GCH1: variants seen among roughly 807,000 people sequenced by gnomAD.
GCH1 encodes GTP cyclohydrolase 1.
In GCH1, 5 loss-of-function variants were observed where a neutral mutation model predicts 25.9. The observed-to-expected ratio is 0.19, with a 90% confidence interval of 0.10 to 0.41. The LOEUF is 0.41. GCH1 is among the 10% of genes least tolerant of loss of function. The pLI is 1.00. For missense variants in GCH1, 261 were observed against 336.5 expected (o/e 0.78, Z 1.75); for synonymous variants, 159 against 129.6 (o/e 1.23, Z -1.54).
intron 3 of GCH1, among the ~76,000 whole-genome samples, chr14:54,855,356 A>G (rs2039792618): frequency 6.6e-6 from 1 of 152,062 alleles, no homozygotes; most frequent in African/African-American, 2.4e-5. Flanking sequence ...AAATACAAAA[A>G]TTAGCTATGC....
At position 54,859,672 on chromosome 14, in the gene GCH1, C is replaced by A. The variant is rs763653126; in HGVS notation, c.509+9G>T. 2 of 1,537,720 alleles carry A rather than the reference C, an allele frequency of 1.3e-6. No individual in the cohort carries two copies. Among genetic ancestry groups the A allele is most frequent in the African/African-American group, 1.4e-5 (1 of 73,312 alleles). On this transcript the variant is annotated intron_variant, in intron 3 of 5. Transcript: ENST00000491895. ...CCTGTATTCTTGTTCACTGCACAGT[C>A]ACACTTACCTCGCAAGTTTGCTGAG...
chr14:54,867,978 A>C (rs1421106036), intron 1 of GCH1, among the ~76,000 whole-genome samples: 1 of 152,230 alleles, frequency 6.6e-6, no homozygotes, highest in Admixed American at 6.5e-5. Flanking sequence ...TGCCAGTAAC[A>C]GGACATACTG....
chr14:54,864,348 G>C (rs2039961676), intron 2 of GCH1, among the ~76,000 whole-genome samples: 1 of 152,156 alleles, frequency 6.6e-6, no homozygotes, highest in Non-Finnish European at 1.5e-5. Flanking sequence ...CTTCTTGTAA[G>C]TCTTCTGTTT....
chr14:54,862,503 C>A (rs989878486), intron 2 of GCH1, among the ~76,000 whole-genome samples: 1 of 151,022 alleles, frequency 6.6e-6, no homozygotes, highest in Non-Finnish European at 1.5e-5. Context: ...CAACCTCACC[C>A]TCCCGAGTAG....
intron 5 of GCH1, among the ~76,000 whole-genome samples, chr14:54,845,210 G>A (rs2039622772): frequency 6.6e-6 from 1 of 151,268 alleles, no homozygotes; most frequent in South Asian, 2.1e-4. Context: ...CTGGGCGCAG[G>A]GGCTCACGCC....
intron 1 of GCH1, among the ~76,000 whole-genome samples, chr14:54,868,647 G>T (rs1286189319): frequency 6.6e-6 from 1 of 152,102 alleles, no homozygotes; most frequent in East Asian, 1.9e-4. Flanking sequence ...TGTCGCCCAG[G>T]CTGGAGTGCA....
intron 1 of GCH1, among the ~76,000 whole-genome samples, chr14:54,880,416 A>AAT (rs962085206): frequency 1.7e-5 from 2 of 120,660 alleles, no homozygotes; most frequent in Admixed American, 8.9e-5. Context: ...TAATATATAA[A>AAT]ATATATATAT....
chr14:54,864,264 T>C (rs1244993093), intron 2 of GCH1, among the ~76,000 whole-genome samples: 1 of 152,232 alleles, frequency 6.6e-6, no homozygotes, highest in Non-Finnish European at 1.5e-5. Context: ...TACAATACTT[T>C]AACAAAGACA....
chr14:54,902,642 C>T lies in GCH1; in HGVS notation c.22G>A (p.Ala8Thr), dbSNP rs529381971. The T allele has an allele frequency of 1.5e-5, 22 of 1,483,118 alleles. No homozygotes were observed. The highest frequency in any genetic ancestry group is 1.9e-5 in the Non-Finnish European group (21 of 1,121,742). 91.9% of individuals were successfully genotyped at this position (1,483,118 alleles called of 1,614,324 possible). Residue 8 changes from alanine to threonine, a missense_variant, in exon 1 of 6, where the codon GCA (alanine) becomes ACA (threonine). Ala to Thr is a moderately conservative substitution (Grantham distance 58, BLOSUM62 0). Around this residue, in one of 3 missense-constraint regions of GCH1, gnomAD observed 125 missense variants for 128.7 expected, o/e 0.97. Coordinates refer to ENST00000491895, the MANE Select transcript of GCH1 (RefSeq NM_000161.3). Reference sequence around the variant, plus strand: ...GCGCCCCGCGGCTTCTCCGCCGGTGCCCGCACAGGGCCCTTCTCCATGGAC... The same window carrying T: ...GCGCCCCGCGGCTTCTCCGCCGGTGTCCGCACAGGGCCCTTCTCCATGGAC... MEKGPVRAPAEKPRGARC... is the reference protein window; with the variant it reads MEKGPVRTPAEKPRGARC...
At chr14:54,850,728 G>A (rs1008748584) in intron 3 of GCH1, among the ~76,000 whole-genome samples, 4 of 152,100 alleles carry the variant, frequency 2.6e-5, no homozygotes, top group African/African-American at 9.7e-5. Context: ...AACATGCAGG[G>A]TTTGGTTTTC....
rs2039587980 is a variant in GCH1, at chr14:54,843,256, T to TA, written c.*760dup. On this transcript the variant is annotated 3_prime_UTR_variant, in exon 6 of 6. Transcript: ENST00000491895. Reference sequence around the variant, plus strand: ...AAGTCTCATAAAATAATGGCTTTTTTAAAAAGGCAAAAGTATCTACACTCT... The same window carrying TA: ...AAGTCTCATAAAATAATGGCTTTTTTAAAAAAGGCAAAAGTATCTACACTCT... 1 of 1,390,116 alleles carries TA rather than the reference T, an allele frequency of 7.2e-7. No individual in the cohort carries two copies. 86.1% of individuals were successfully genotyped at this position (1,390,116 alleles called of 1,614,324 possible).
In GCH1 at chr14:54,873,899, G is replaced by A. The variant is rs550650134; in HGVS notation, c.344-8463C>T. 3.9e-5 allele frequency among the ~76,000 whole-genome samples: 6 copies of A among 152,230 alleles called. No individual in the cohort carries two copies. The East Asian group carries it at 5.8e-4, about 15-fold the overall frequency. On this transcript the variant is annotated intron_variant, in intron 1 of 5. Coordinates refer to ENST00000491895, the MANE Select transcript of GCH1 (RefSeq NM_000161.3). Reference sequence around the variant, plus strand: ...TCCAGGACCAGATGGATTCACAGCCGAATTCTACCAGACATATAAGGAGGA... The same window carrying A: ...TCCAGGACCAGATGGATTCACAGCCAAATTCTACCAGACATATAAGGAGGA...
intron 1 of GCH1, among the ~76,000 whole-genome samples, chr14:54,879,472 G>C (rs1430515689): frequency 1.4e-5 from 2 of 141,796 alleles, no homozygotes; most frequent in Non-Finnish European, 3.1e-5. Context: ...GTTGGTAATA[G>C]CAAAAATAGA....
chr14:54,875,979 C>T (rs1595001761), intron 1 of GCH1, among the ~76,000 whole-genome samples: 1 of 152,268 alleles, frequency 6.6e-6, no homozygotes, highest in East Asian at 1.9e-4. Flanking sequence ...CCATTTGACC[C>T]AGCCATCCCA....
intron 1 of GCH1, among the ~76,000 whole-genome samples, chr14:54,900,765 G>A (rs1159894110): frequency 6.6e-6 from 1 of 151,814 alleles, no homozygotes; most frequent in African/African-American, 2.4e-5. Context: ...CCGATGCTGT[G>A]AAGTAAACCA....
At position 54,863,204 on chromosome 14, in the gene GCH1, G is replaced by A. The variant is rs188802750; in HGVS notation, c.453+2123C>T. ...GGAGGCCAAGGCGGGCGGATCACGA[G>A]GTCAGGAGATCAAGACCATCCTGGC... is the stretch of plus-strand genomic sequence containing the variant. On this transcript the variant is annotated intron_variant, in intron 2 of 5. Transcript: ENST00000491895. Among the ~76,000 whole-genome samples, 673 of 152,060 alleles carry A rather than the reference G, an allele frequency of 4.4e-3. 13 individuals are homozygous for A. The highest frequency in any genetic ancestry group is 0.03 in the Admixed American group (465 of 15,266).
At position 54,859,730 on chromosome 14, in the gene GCH1, T is replaced by C. The variant is rs373220294; in HGVS notation, c.460A>G (p.Ile154Val). ...HLVPFVGKVH[I>V]GYLPNKQVLG... ...ACTTGCTTGTTAGGAAGATAACCAA[T>C]ATGGACCTTCAGAGAAGAGACGGAA... is the stretch of plus-strand genomic sequence containing the variant. Residue 154 changes from isoleucine to valine, a missense_variant, in exon 3 of 6, where the codon ATT becomes GTT. By Grantham distance (29) the Ile-to-Val change is conservative (BLOSUM62 3). Transcript: ENST00000491895. The C allele has an allele frequency of 5.1e-6, 8 of 1,583,046 alleles. No individual in the cohort carries two copies. Among genetic ancestry groups the C allele is most frequent in the East Asian group, 2.2e-5 (1 of 44,752 alleles).
intron 1 of GCH1, 90 bp downstream of exon 1, chr14:54,902,231 A>G (rs973144618): frequency 7.2e-7 from 1 of 1,389,496 alleles, no homozygotes. Context: ...AAAGTGAGGC[A>G]ACTCCGGAAA....
intron 1 of GCH1, among the ~76,000 whole-genome samples, chr14:54,877,637 G>A (rs1373315811): frequency 6.6e-6 from 1 of 152,112 alleles, no homozygotes; most frequent in Non-Finnish European, 1.5e-5. Flanking sequence ...GGGATTACAG[G>A]CGCAAGCCAC....
Sources: allele counts gnomAD v4.1 joint callset (sites outside exome capture counted in the v4.1 genomes callset), GRCh38; gene constraint gnomAD v4.1.1; regional missense constraint gnomAD v4.1.1; transcripts MANE v1.5; gene names NCBI Gene and HGNC (gene_info 2026-07-23, HGNC 2026-07-21).